The following DSE variants were observed in gnomAD, a reference collection of about 807,000 sequenced individuals.
DSE encodes dermatan-sulfate epimerase.
A neutral mutation model predicts 84.4 loss-of-function variants in DSE; 36 were observed. That is an observed-to-expected ratio of 0.43 (90% CI 0.33 to 0.56). The LOEUF is 0.56. Among genes scored for constraint, DSE ranks in the 20% least tolerant of loss-of-function variants. The pLI, the probability that DSE is intolerant of heterozygous loss-of-function variation, is 0.06. For missense variants in DSE, 862 were observed against 1,169.6 expected (o/e 0.74, Z 3.84); for synonymous variants, 410 against 430.1 (o/e 0.95, Z 0.58).
At chr6:116,398,718 C>G (rs1445943338) in intron 1 of DSE, among the ~76,000 whole-genome samples, 1 of 152,118 alleles carries the variant, frequency 6.6e-6, no homozygotes, top group African/African-American at 2.4e-5. Flanking sequence ...ATCCCTGGTT[C>G]AGAAATGTTA....
chr6:116,269,034 A>G (rs1426432600), intron 2 of DSE, among the ~76,000 whole-genome samples: 2 of 152,022 alleles, frequency 1.3e-5, no homozygotes, highest in East Asian at 1.9e-4. Context: ...AAAAAAGAAA[A>G]AAAAAAACCT....
chr6:116,363,069 TC>T lies in DSE; in HGVS notation c.-53-36123del, dbSNP rs752344410. Among the ~76,000 whole-genome samples the T allele has an allele frequency of 5.1e-4, 77 of 152,076 alleles. 1 individual carries two copies. Among genetic ancestry groups the T allele is most frequent in the Non-Finnish European group, 8.5e-4 (58 of 67,986 alleles). On this transcript the variant is annotated intron_variant, in intron 2 of 3. Coordinates refer to the DSE transcript ENST00000430252. ...AGTTTCCAGAATTAACCCATTAATT[TC>T]CCCCCAGACAACATTAAAATTTGTC...
intron 2 of DSE, among the ~76,000 whole-genome samples, chr6:116,330,873 G>A (rs1387093791): frequency 6.6e-6 from 1 of 152,130 alleles, no homozygotes; most frequent in African/African-American, 2.4e-5. Context: ...CCTCAATCAT[G>A]AACAGATATG....
chr6:116,278,254 G>A (rs1015749839), intron 2 of DSE: 2 of 470,458 alleles, frequency 4.3e-6, no homozygotes, highest in Admixed American at 6.7e-5. Flanking sequence ...AGTATCATTT[G>A]CTTGGCTTAC....
chr6:116,258,475 G>T, exon 2 of DSE: 3 of 990,998 alleles, frequency 3.0e-6, no homozygotes, highest in South Asian at 1.3e-5. Flanking sequence ...CAGGTTTATT[G>T]GGCAACAGCT....
chr6:116,352,592 G>A (rs1028422175), intron 2 of DSE, among the ~76,000 whole-genome samples: 20 of 152,092 alleles, frequency 1.3e-4, no homozygotes, highest in Non-Finnish European at 2.8e-4. Context: ...GAACTGGATA[G>A]TAAACATCAA....
intron 2 of DSE, among the ~76,000 whole-genome samples, chr6:116,327,167 T>A (rs138906454): frequency 1.4e-3 from 209 of 152,362 alleles, no homozygotes; most frequent in African/African-American, 4.8e-3. Flanking sequence ...AATCTCCAGC[T>A]TATAGAGCTC....
At chr6:116,316,696 G>T (rs554593516) in intron 2 of DSE, among the ~76,000 whole-genome samples, 9 of 152,006 alleles carry the variant, frequency 5.9e-5, no homozygotes, top group Non-Finnish European at 1.2e-4. Context: ...ATTGGTATTT[G>T]GTTGTGCTGT....
At chr6:116,352,639 T>G (rs1778368826) in intron 2 of DSE, among the ~76,000 whole-genome samples, 1 of 152,160 alleles carries the variant, frequency 6.6e-6, no homozygotes, top group African/African-American at 2.4e-5. Flanking sequence ...TTTGGGATGC[T>G]TTTTAAAACC....
intron 2 of DSE, among the ~76,000 whole-genome samples, chr6:116,356,442 T>G (rs940969293): frequency 6.6e-6 from 1 of 152,216 alleles, no homozygotes; most frequent in Non-Finnish European, 1.5e-5. Context: ...GGGGGTTACA[T>G]AAAAGTATTA....
chr6:116,324,478 G>C (rs1776510918), intron 2 of DSE, among the ~76,000 whole-genome samples: 1 of 152,184 alleles, frequency 6.6e-6, no homozygotes, highest in South Asian at 2.1e-4. Context: ...GTAGCTGTTT[G>C]AATTGACTCC....
chr6:116,278,981 G>A (rs1773307089), intron 2 of DSE: 1 of 1,613,966 alleles, frequency 6.2e-7, no homozygotes, highest in Non-Finnish European at 8.5e-7. Flanking sequence ...GGGTGGTTTC[G>A]AAAAGCAGTC....
intron 2 of DSE, among the ~76,000 whole-genome samples, chr6:116,261,057 A>G (rs2114596710): frequency 6.6e-6 from 1 of 152,330 alleles, no homozygotes; most frequent in South Asian, 2.1e-4. Flanking sequence ...CACTGAATCT[A>G]TAAATTGCTT....
At chr6:116,254,500 A>G (rs775784386) in intron 1 of DSE, 19 of 257,952 alleles carry the variant, frequency 7.4e-5, no homozygotes, top group African/African-American at 1.1e-4. Flanking sequence ...TTACCAAAGA[A>G]TTTAAATGAG....
chr6:116,265,403 G>A (rs1289273591), intron 2 of DSE, among the ~76,000 whole-genome samples: 1 of 152,150 alleles, frequency 6.6e-6, no homozygotes, highest in Non-Finnish European at 1.5e-5. Flanking sequence ...CCAAGGCTCT[G>A]TCTACAATGG....
chr6:116,380,384 G>A (rs1038413328), intron 1 of DSE, among the ~76,000 whole-genome samples: 24 of 152,046 alleles, frequency 1.6e-4, no homozygotes, highest in African/African-American at 5.8e-4. Flanking sequence ...GAACAATTAG[G>A]TGCCGAATGG....
rs780171247 is a variant in DSE at position 116,279,428 on chromosome 6, A to G, written c.-54+20461A>G. On this transcript the variant is annotated intron_variant, in intron 2 of 3. Coordinates refer to the DSE transcript ENST00000430252. ...TCAGACGCGGATCTCTGGGCGCCAC[A>G]GATTTCTAGGGCCTTCTCTCCACCC... 3 of 1,613,248 alleles carry G rather than the reference A, an allele frequency of 1.9e-6. No individual in the cohort carries two copies. Among genetic ancestry groups the G allele is most frequent in the Admixed American group, 1.7e-5 (1 of 59,998 alleles).
At chr6:116,304,240 C>G (rs983582222) in intron 2 of DSE, among the ~76,000 whole-genome samples, 15 of 152,134 alleles carry the variant, frequency 9.9e-5, no homozygotes, top group African/African-American at 3.6e-4. Flanking sequence ...TCTTTGAGCG[C>G]CACTCACATT....
intron 3 of DSE, 107 bp downstream of exon 3, chr6:116,426,934 G>T: frequency 1.4e-6 from 2 of 1,421,190 alleles, no homozygotes; most frequent in Non-Finnish European, 9.4e-7. Flanking sequence ...TTCATACTTG[G>T]ATCCTAACTA....
Sources: allele counts gnomAD v4.1 joint callset (sites outside exome capture counted in the v4.1 genomes callset), GRCh38; gene constraint gnomAD v4.1.1; transcripts MANE v1.5; gene names NCBI Gene and HGNC (gene_info 2026-07-23, HGNC 2026-07-21).